Variants in MTUS2 observed in about 807,000 individuals in gnomAD.
MTUS2 encodes microtubule-associated tumor suppressor candidate 2.
In MTUS2, 40 loss-of-function variants were observed where a neutral mutation model predicts 114.1. That is an observed-to-expected ratio of 0.35 (90% CI 0.27 to 0.46). The LOEUF is 0.46. Ranked by LOEUF, MTUS2 falls within the 20% of genes least tolerant of loss-of-function variation. The pLI is 1.00. For missense variants in MTUS2, 1,679 were observed against 1,705.4 expected, an observed-to-expected ratio of 0.98 and a Z score of 0.27; for synonymous variants, 688 against 672.0, an observed-to-expected ratio of 1.02 and a Z score of -0.37.
chr13:28,851,630 A>G (rs945658288), intron 2 of MTUS2, among the ~76,000 whole-genome samples: 3 of 152,234 alleles, frequency 2.0e-5, no homozygotes, highest in South Asian at 4.1e-4. Flanking sequence ...GACTCTGACC[A>G]GGGTCCTGAA....
intron 6 of MTUS2, among the ~76,000 whole-genome samples, chr13:29,282,993 A>G (rs898954221): frequency 6.6e-6 from 1 of 152,206 alleles, no homozygotes; most frequent in Non-Finnish European, 1.5e-5. Context: ...TGCTGCAATA[A>G]ACAGCCTTGA....
At chr13:28,924,674 G>A (rs150572546) in intron 2 of MTUS2, among the ~76,000 whole-genome samples, 25 of 152,302 alleles carry the variant, frequency 1.6e-4, no homozygotes, top group Middle Eastern at 3.4e-3. Flanking sequence ...TGTGGTCAGC[G>A]CTTGTCCCGG....
intron 2 of MTUS2, among the ~76,000 whole-genome samples, chr13:28,999,950 TTTCA>T (rs1885308031): frequency 1.3e-5 from 2 of 152,240 alleles, no homozygotes; most frequent in Admixed American, 1.3e-4. Flanking sequence ...AATGACAGTA[TTTCA>T]TTCTTTTTAA....
intron 5 of MTUS2, among the ~76,000 whole-genome samples, chr13:29,154,937 A>G (rs1327891293): frequency 2.6e-5 from 4 of 152,198 alleles, no homozygotes; most frequent in Non-Finnish European, 5.9e-5. Context: ...TCACAGTAAC[A>G]TTGTCCCTTT....
chr13:29,411,041 C>T lies in MTUS2; in HGVS notation c.3118-28942C>T, dbSNP rs541642341. On this transcript the variant is annotated intron_variant, in intron 8 of 15. Transcript: ENST00000612955. ...GAGGTGGGGTTTCGCCATGTTGGCC[C>T]AGCTGGTGTTGAACTCCTGACCTCA... 1.7e-4 allele frequency among the ~76,000 whole-genome samples: 26 copies of T among 152,054 alleles called. No homozygotes were observed. In the South Asian group the frequency reaches 5.4e-3, roughly 32 times the overall value.
intron 2 of MTUS2, among the ~76,000 whole-genome samples, chr13:28,925,795 A>G (rs1251787289): frequency 5.3e-5 from 8 of 152,372 alleles, no homozygotes; most frequent in Admixed American, 4.6e-4. Flanking sequence ...CAGAGCATTT[A>G]GAACAATGCG....
chr13:29,340,053 C>T (rs148411300), intron 7 of MTUS2, among the ~76,000 whole-genome samples: 7 of 152,352 alleles, frequency 4.6e-5, no homozygotes, highest in Middle Eastern at 3.4e-3. Context: ...GGAATCAGGA[C>T]GCCAGAAAGC....
At chr13:29,421,204 C>T (rs1487215160) in intron 8 of MTUS2, among the ~76,000 whole-genome samples, 3 of 152,172 alleles carry the variant, frequency 2.0e-5, no homozygotes, top group Non-Finnish European at 4.4e-5. Context: ...CCCATTCCCA[C>T]CTCATTAAAA....
intron 4 of MTUS2, among the ~76,000 whole-genome samples, chr13:29,040,596 C>T (rs768424277): frequency 3.9e-5 from 6 of 152,092 alleles, no homozygotes; most frequent in Non-Finnish European, 7.4e-5. Context: ...ATAAGTGTTC[C>T]CTTTTCACCA....
chr13:28,841,459 G>C (rs1356447329), intron 2 of MTUS2, among the ~76,000 whole-genome samples: 1 of 152,168 alleles, frequency 6.6e-6, no homozygotes, highest in Non-Finnish European at 1.5e-5. Flanking sequence ...GCGGCCGGAA[G>C]GTTGGTAGTG....
At chr13:29,445,955 C>A (rs1878249771) in intron 9 of MTUS2, among the ~76,000 whole-genome samples, 1 of 151,978 alleles carries the variant, frequency 6.6e-6, no homozygotes, top group Non-Finnish European at 1.5e-5. Context: ...CCAGCCTCTT[C>A]CTCTCCCTCT....
In MTUS2 at chr13:28,994,717, T is replaced by A. The variant is rs532835502; in HGVS notation, c.-242-29740T>A. 5.8e-3 allele frequency among the ~76,000 whole-genome samples: 886 copies of A among 152,352 alleles called. 8 individuals carry two copies. The highest frequency in any genetic ancestry group is 0.02 in the African/African-American group (846 of 41,576). On this transcript the variant is annotated intron_variant, in intron 2 of 15. Transcript: ENST00000612955. ...ATGTCTTCTTTTGAGAAGTGTCTGT[T>A]CATGTCCTTTGCCCACTTTTTGATG...
chr13:29,447,275 C>T (rs116337095), intron 9 of MTUS2, among the ~76,000 whole-genome samples: 1,807 of 152,176 alleles, frequency 0.012, 30 homozygotes, highest in African/African-American at 0.041. Flanking sequence ...CAAAAGAATA[C>T]GTCATGAACC....
rs796465978 is a variant in MTUS2, at chr13:29,137,977, T to G, written c.2644+37007T>G. On this transcript the variant is annotated intron_variant, in intron 5 of 15. Transcript: ENST00000612955. ...CAATCCTGTGGAAGTTACTTCAGGA[T>G]GAGCAGGAGGGGGAACAACATAGGG... Among the ~76,000 whole-genome samples, 3 of 152,296 alleles carry G rather than the reference T, an allele frequency of 2.0e-5. No homozygotes were observed. The South Asian group carries it at 6.2e-4, about 32-fold the overall frequency.
chr13:29,212,355 C>T (rs1004569748), intron 5 of MTUS2, among the ~76,000 whole-genome samples: 38 of 152,200 alleles, frequency 2.5e-4, no homozygotes, highest in African/African-American at 9.2e-4. Flanking sequence ...CACAACACCT[C>T]TGACACCACA....
At chr13:28,826,361 G>A (rs1202910268) in intron 1 of MTUS2, among the ~76,000 whole-genome samples, 1 of 152,132 alleles carries the variant, frequency 6.6e-6, no homozygotes, top group Non-Finnish European at 1.5e-5. Flanking sequence ...AGACGAGACT[G>A]TTTATCTGTT....
intron 5 of MTUS2, among the ~76,000 whole-genome samples, chr13:29,222,256 AGTCT>A (rs370145527): frequency 1.9e-3 from 284 of 152,252 alleles, no homozygotes; most frequent in African/African-American, 6.7e-3. Context: ...ATTCTATTGT[AGTCT>A]GTCTGTTTAT....
chr13:29,334,512 CA>C (rs557147428), intron 7 of MTUS2, among the ~76,000 whole-genome samples: 2 of 152,068 alleles, frequency 1.3e-5, no homozygotes, highest in Non-Finnish European at 2.9e-5. Flanking sequence ...TTTCTTTAAG[CA>C]TGTTGAATAT....
chr13:29,209,015 T>C lies in MTUS2; in HGVS notation c.2645-72689T>C, dbSNP rs549255842. ...CTTGATGACCTGCCTAGTGCTGTCA[T>C]TGGGGTACTGAAGTCTCCCACTTAT... On this transcript the variant is annotated intron_variant, in intron 5 of 15. Transcript: ENST00000612955. 1.4e-3 allele frequency among the ~76,000 whole-genome samples: 210 copies of C among 152,246 alleles called. 1 individual carries two copies. Among genetic ancestry groups the C allele is most frequent in the Non-Finnish European group, 2.5e-3 (168 of 67,976 alleles).
Sources: allele counts gnomAD v4.1 joint callset (sites outside exome capture counted in the v4.1 genomes callset), GRCh38; gene constraint gnomAD v4.1.1; transcripts MANE v1.5; gene names NCBI Gene and HGNC (gene_info 2026-07-23, HGNC 2026-07-21).